CDKAL1: variants seen among roughly 807,000 people sequenced by gnomAD.
CDKAL1 encodes CDKAL1 threonylcarbamoyladenosine tRNA methylthiotransferase.
Under a neutral mutation model 68.2 loss-of-function variants are expected in CDKAL1, and 32 were observed. The observed-to-expected ratio is 0.47, with a 90% confidence interval of 0.35 to 0.63. The LOEUF (loss-of-function observed/expected upper bound fraction) is 0.63. Among genes scored for constraint, CDKAL1 ranks in the 30% least tolerant of loss-of-function variants. The pLI, the probability that CDKAL1 is intolerant of heterozygous loss-of-function variation, is 0.00. For missense variants in CDKAL1, 606 were observed against 696.7 expected (o/e 0.87, Z 1.47); for synonymous variants, 234 against 244.3 (o/e 0.96, Z 0.39).
At position 20,999,534 on chromosome 6, in the gene CDKAL1, C is replaced by T. The variant is rs2150815964; in HGVS notation, c.910-693C>T. On this transcript the variant is annotated intron_variant, in intron 10 of 15. Transcript: ENST00000274695. Reference sequence around the variant, plus strand: ...GATACGTTCTTCTTAATCTTCATCTCTTCTTTCTCTTCTTTTTATGCATCT... The same window carrying T: ...GATACGTTCTTCTTAATCTTCATCTTTTCTTTCTCTTCTTTTTATGCATCT... Among the ~76,000 whole-genome samples the T allele has an allele frequency of 2.0e-5, 3 of 152,012 alleles. No homozygotes were observed. The South Asian group carries it at 6.2e-4, about 32-fold the overall frequency.
chr6:20,845,729 T>G (rs1778352409), intron 8 of CDKAL1, among the ~76,000 whole-genome samples: 1 of 152,216 alleles, frequency 6.6e-6, no homozygotes, highest in Non-Finnish European at 1.5e-5. Context: ...ATGGCCAAAG[T>G]AATGTCAGTA....
chr6:21,014,240 A>C (rs1035392599), intron 11 of CDKAL1, among the ~76,000 whole-genome samples: 1 of 152,190 alleles, frequency 6.6e-6, no homozygotes, highest in Non-Finnish European at 1.5e-5. Flanking sequence ...CTCAAAATCC[A>C]TTTATATGGG....
At chr6:20,773,579 G>A (rs533215532) in intron 7 of CDKAL1, among the ~76,000 whole-genome samples, 10 of 151,344 alleles carry the variant, frequency 6.6e-5, no homozygotes, top group Non-Finnish European at 1.3e-4. Flanking sequence ...GTGGAGTCTC[G>A]CTCTGTAGCC....
chr6:20,977,598 C>T (rs1581949114), intron 10 of CDKAL1, among the ~76,000 whole-genome samples: 1 of 152,160 alleles, frequency 6.6e-6, no homozygotes. Context: ...ATAGGCTGGG[C>T]ATGGTGCTTC....
At chr6:20,810,821 G>A (rs1346289854) in intron 8 of CDKAL1, among the ~76,000 whole-genome samples, 2 of 151,870 alleles carry the variant, frequency 1.3e-5, no homozygotes, top group Non-Finnish European at 2.9e-5. Flanking sequence ...CACAGTTAGT[G>A]CTCTTGTTCA....
chr6:21,153,588 T>C (rs1399133925), intron 13 of CDKAL1, among the ~76,000 whole-genome samples: 1 of 152,142 alleles, frequency 6.6e-6, no homozygotes, highest in Non-Finnish European at 1.5e-5. Flanking sequence ...ACTATCTTGA[T>C]AAACAGTTCA....
chr6:20,802,287 A>T (rs1776396980), intron 8 of CDKAL1, among the ~76,000 whole-genome samples: 1 of 148,562 alleles, frequency 6.7e-6, no homozygotes, highest in Non-Finnish European at 1.5e-5. Flanking sequence ...ACAAAGCAAG[A>T]CTCCGTCTCA....
intron 7 of CDKAL1, among the ~76,000 whole-genome samples, chr6:20,764,087 TG>T (rs1233130410): frequency 2.0e-5 from 3 of 152,168 alleles, no homozygotes; most frequent in African/African-American, 7.2e-5. Flanking sequence ...TTTTTTTGTA[TG>T]AAAACTATGA....
intron 5 of CDKAL1, among the ~76,000 whole-genome samples, chr6:20,711,945 A>C (rs1305997641): frequency 6.6e-6 from 1 of 152,196 alleles, no homozygotes; most frequent in Non-Finnish European, 1.5e-5. Flanking sequence ...ACTCAGACTA[A>C]AAGTTACTCA....
At chr6:20,720,852 A>T (rs1210604693) in intron 5 of CDKAL1, among the ~76,000 whole-genome samples, 1 of 152,112 alleles carries the variant, frequency 6.6e-6, no homozygotes, top group Non-Finnish European at 1.5e-5. Flanking sequence ...GTAAGTGAGG[A>T]TATGTGATAT....
intron 8 of CDKAL1, among the ~76,000 whole-genome samples, chr6:20,834,115 G>A (rs1191440225): frequency 6.6e-6 from 1 of 152,092 alleles, no homozygotes; most frequent in Non-Finnish European, 1.5e-5. Flanking sequence ...TGGACTAAGT[G>A]GAATATCAGT....
At chr6:20,850,333 A>AT (rs1231115551) in intron 9 of CDKAL1, among the ~76,000 whole-genome samples, 4 of 152,158 alleles carry the variant, frequency 2.6e-5, no homozygotes, top group South Asian at 2.1e-4. Context: ...TTAAAAAATG[A>AT]TTTTTTTAAA....
rs141332805 is a variant in CDKAL1 at position 20,809,896 on chromosome 6, G to C, written c.638+28631G>C. Among the ~76,000 whole-genome samples the C allele has an allele frequency of 2.8e-3, 429 of 152,234 alleles. 1 individual carries two copies. Among genetic ancestry groups the C allele is most frequent in the African/African-American group, 9.2e-3 (384 of 41,560 alleles). On this transcript the variant is annotated intron_variant, in intron 8 of 15. Transcript: ENST00000274695. ...TTTTACTTTTAAGATCTTATGAATA[G>C]AAATTATTCAGAAGTATTTACTATA... is the stretch of plus-strand genomic sequence containing the variant.
At chr6:20,932,617 C>A (rs552567498) in intron 9 of CDKAL1, among the ~76,000 whole-genome samples, 1 of 152,142 alleles carries the variant, frequency 6.6e-6, no homozygotes, top group Non-Finnish European at 1.5e-5. Flanking sequence ...CTTTCCTTAA[C>A]AGAAGGGAAT....
intron 4 of CDKAL1, among the ~76,000 whole-genome samples, chr6:20,597,469 C>T (rs1238278239): frequency 2.0e-5 from 3 of 151,574 alleles, no homozygotes; most frequent in Non-Finnish European, 4.4e-5. Context: ...GGCTGGAGTG[C>T]AGTGGCATAA....
At chr6:20,638,186 A>G (rs766417609) in intron 4 of CDKAL1, among the ~76,000 whole-genome samples, 1 of 152,222 alleles carries the variant, frequency 6.6e-6, no homozygotes, top group Non-Finnish European at 1.5e-5. Flanking sequence ...GTTTTCTCAC[A>G]GTTACATCAG....
At chr6:20,815,588 G>C (rs1777009479) in intron 8 of CDKAL1, among the ~76,000 whole-genome samples, 3 of 141,274 alleles carry the variant, frequency 2.1e-5, no homozygotes, top group Non-Finnish European at 4.6e-5. Context: ...TTTATGCTTT[G>C]CTTCCTGATT....
At chr6:20,585,760 G>A (rs1471269403) in intron 4 of CDKAL1, among the ~76,000 whole-genome samples, 3 of 151,982 alleles carry the variant, frequency 2.0e-5, no homozygotes, top group Admixed American at 2.0e-4. Context: ...CCGAAATGTT[G>A]GAGCATCCCC....
intron 7 of CDKAL1, among the ~76,000 whole-genome samples, chr6:20,770,289 C>CA (rs541531118): frequency 3.4e-5 from 5 of 147,012 alleles, no homozygotes; most frequent in South Asian, 2.2e-4. Context: ...AAAAGCCAGC[C>CA]AAAAAAAAAG....
Sources: gnomAD v4.1 joint callset for allele counts (sites outside exome capture counted in the v4.1 genomes callset) on GRCh38, gnomAD v4.1.1 for gene constraint, MANE v1.5 for transcripts, NCBI Gene and HGNC (gene_info 2026-07-23, HGNC 2026-07-21) for gene names.